Variants in PTPN12 observed in about 807,000 individuals in gnomAD.
PTPN12 encodes tyrosine-protein phosphatase non-receptor type 12.
PTPN12 carries 29 observed loss-of-function variants against 97.6 expected under a neutral mutation model. The ratio of observed to expected loss-of-function variants is 0.30; its 90% CI spans 0.22 to 0.41. The LOEUF is 0.41. PTPN12 is among the 10% of genes least tolerant of loss of function. The pLI is 1.00. For synonymous variants in PTPN12, 327 were observed against 300.4 expected (o/e 1.09, Z -0.91); for missense variants, 819 against 926.0 (o/e 0.88, Z 1.50).
intron 1 of PTPN12, among the ~76,000 whole-genome samples, chr7:77,565,627 T>C (rs1808226790): frequency 6.6e-6 from 1 of 152,142 alleles, no homozygotes; most frequent in Non-Finnish European, 1.5e-5. Context: ...GTTCCACTCT[T>C]TTAAGAACTT....
intron 1 of PTPN12, among the ~76,000 whole-genome samples, chr7:77,568,809 A>T (rs528857285): frequency 2.0e-5 from 3 of 152,196 alleles, no homozygotes; most frequent in Admixed American, 6.5e-5. Flanking sequence ...TGTTTCTGCA[A>T]CTATTTAAGT....
intron 2 of PTPN12, among the ~76,000 whole-genome samples, chr7:77,576,047 G>T (rs1307917588): frequency 6.6e-6 from 1 of 151,968 alleles, no homozygotes; most frequent in Non-Finnish European, 1.5e-5. Context: ...GTAGATACAG[G>T]GTTTCACTAT....
intron 2 of PTPN12, among the ~76,000 whole-genome samples, chr7:77,573,108 A>AAAC (rs1787214768): frequency 6.8e-6 from 1 of 147,572 alleles, no homozygotes; most frequent in African/African-American, 2.6e-5. Flanking sequence ...AAAAAAACAA[A>AAAC]AAAAACCAGT....
chr7:77,574,289 G>A (rs1448544641), intron 2 of PTPN12, among the ~76,000 whole-genome samples: 1 of 152,112 alleles, frequency 6.6e-6, no homozygotes, highest in Non-Finnish European at 1.5e-5. Flanking sequence ...GTGTTAAACT[G>A]GTCCTCTGAA....
intron 11 of PTPN12, 87 bp from the exon 12 acceptor site, chr7:77,618,393 G>T: frequency 3.5e-6 from 3 of 865,128 alleles, no homozygotes; most frequent in South Asian, 2.1e-5. Flanking sequence ...TTTAAGGATT[G>T]AAAAGCACAG....
chr7:77,614,119 A>G (rs892786728), intron 11 of PTPN12, among the ~76,000 whole-genome samples: 3 of 151,990 alleles, frequency 2.0e-5, no homozygotes, highest in African/African-American at 7.3e-5. Flanking sequence ...CTGGGCTCCA[A>G]CAGTCCTCCC....
intron 12 of PTPN12, among the ~76,000 whole-genome samples, chr7:77,625,472 G>GCGCTCTCTCTCTCT (rs1554326597): frequency 3.0e-5 from 1 of 33,522 alleles, no homozygotes; most frequent in Non-Finnish European, 5.0e-5. Context: ...CAGGCTGCTC[G>GCGCTCTCTCTCTCT]CTCTCTCTCT....
At chr7:77,581,262 C>G (rs889447377) in intron 2 of PTPN12, among the ~76,000 whole-genome samples, 165 bp from the exon 3 acceptor site, 1 of 151,988 alleles carries the variant, frequency 6.6e-6, no homozygotes, top group Non-Finnish European at 1.5e-5. Context: ...ATTTCATTTC[C>G]TTTCAGTTTA....
chr7:77,611,130 G>C, intron 11 of PTPN12, 84 bp downstream of exon 11: 1 of 1,059,724 alleles, frequency 9.4e-7, no homozygotes, highest in Non-Finnish European at 1.4e-6. Context: ...GTTGTCTTGT[G>C]TTTTGTCTAA....
chr7:77,603,883 C>CTTTTTTTTTTTT (rs773037726), intron 8 of PTPN12, among the ~76,000 whole-genome samples: 40 of 87,856 alleles, frequency 4.6e-4, no homozygotes, highest in African/African-American at 6.0e-4. Context: ...TTTTTGTTTG[C>CTTTTTTTTTTTT]TTTTTTTTTT....
intron 1 of PTPN12, among the ~76,000 whole-genome samples, chr7:77,562,661 A>G: frequency 6.6e-6 from 1 of 152,226 alleles, no homozygotes; most frequent in South Asian, 2.1e-4. Flanking sequence ...ATACAGGGAC[A>G]TTAGATAATG....
chr7:77,604,249 G>A (rs1324396664), intron 8 of PTPN12, among the ~76,000 whole-genome samples: 55 of 102,428 alleles, frequency 5.4e-4, no homozygotes, highest in East Asian at 1.3e-3. Flanking sequence ...GGAGTCTTGG[G>A]CTGTCGCCTG....
intron 1 of PTPN12, among the ~76,000 whole-genome samples, chr7:77,541,611 A>G (rs1359691800): frequency 2.6e-5 from 4 of 152,234 alleles, no homozygotes; most frequent in Admixed American, 6.5e-5. Flanking sequence ...GTCAGTTTAT[A>G]CAACTGTCAT....
Position 77,537,731 on chromosome 7 carries a change from G to A in PTPN12, c.99+86G>A, listed in dbSNP as rs935058371. On this transcript the variant is annotated intron_variant, in intron 1 of 17. Coordinates refer to ENST00000248594, the MANE Select transcript of PTPN12 (RefSeq NM_002835.4). The stretch of plus-strand genomic sequence containing the variant: ...CCCGGCCGGGCCGCCAGTGCTTTGT[G>A]TACCTCTGTGAGGAGAGGGGCGGAG... 4.9e-6 allele frequency: 7 copies of A among 1,426,220 alleles called. No individual in the cohort carries two copies. In the Admixed American group the frequency reaches 1.3e-4, roughly 27 times the overall value. The allele number at this position is 1,426,220 out of a possible 1,614,324, so 88.3% of individuals were successfully genotyped here. A position where few individuals can be genotyped will look rare whatever the true frequency, so the allele number is the denominator to read the frequency against.
intron 7 of PTPN12, among the ~76,000 whole-genome samples, chr7:77,598,709 A>G (rs894415920): frequency 1.3e-5 from 2 of 151,978 alleles, no homozygotes; most frequent in Non-Finnish European, 2.9e-5. Context: ...AATAAAATAA[A>G]TGTTTTAAAA....
intron 12 of PTPN12, among the ~76,000 whole-genome samples, chr7:77,625,056 AC>A (rs1274331990): frequency 6.6e-6 from 1 of 151,976 alleles, no homozygotes; most frequent in African/African-American, 2.4e-5. Context: ...AATTGCTGGA[AC>A]CCAGGAGGTA....
At position 77,610,239 on chromosome 7, in the gene PTPN12, A is replaced by T. The variant is rs555968475; in HGVS notation, c.763-526A>T. Reference sequence around the variant, plus strand: ...TACCTAGGTCTTTTAGCTGGTCCTTATATAGCCAATCCAGGAGATACTGGC... The same window carrying T: ...TACCTAGGTCTTTTAGCTGGTCCTTTTATAGCCAATCCAGGAGATACTGGC... On this transcript the variant is annotated intron_variant, in intron 9 of 17. Coordinates refer to ENST00000248594, the MANE Select transcript of PTPN12 (RefSeq NM_002835.4). Among the ~76,000 whole-genome samples the T allele has an allele frequency of 2.0e-5, 3 of 152,334 alleles. No individual in the cohort carries two copies. The South Asian group carries it at 6.2e-4, about 32-fold the overall frequency.
At chr7:77,599,799 G>T (rs896039381) in intron 7 of PTPN12, among the ~76,000 whole-genome samples, 1 of 152,086 alleles carries the variant, frequency 6.6e-6, no homozygotes, top group African/African-American at 2.4e-5. Context: ...ATTTGAGTAT[G>T]GTTTGCTTAG....
At chr7:77,608,931 T>C (rs1788465558) in intron 9 of PTPN12, among the ~76,000 whole-genome samples, 2 of 152,228 alleles carry the variant, frequency 1.3e-5, no homozygotes, top group Non-Finnish European at 1.5e-5. Context: ...TTAAAAGTTG[T>C]GTATTTTGGA....
Sources: gnomAD v4.1 joint callset for allele counts (sites outside exome capture counted in the v4.1 genomes callset) on GRCh38, gnomAD v4.1.1 for gene constraint, MANE v1.5 for transcripts, NCBI Gene and HGNC (gene_info 2026-07-23, HGNC 2026-07-21) for gene names.